Variants in ZNF385B observed in about 807,000 individuals in gnomAD.
ZNF385B encodes zinc finger protein 385B.
In ZNF385B, 23 loss-of-function variants were observed where a neutral mutation model predicts 39.2. The ratio of observed to expected loss-of-function variants is 0.59; its 90% confidence interval spans 0.42 to 0.83. ZNF385B has a LOEUF of 0.83. Ranked by LOEUF, ZNF385B falls within the 40% of genes least tolerant of loss-of-function variation. The pLI is 0.00. For missense variants in ZNF385B, 552 were observed against 598.9 expected (o/e 0.92, Z 0.82); for synonymous variants, 205 against 222.6 (o/e 0.92, Z 0.70).
intron 5 of ZNF385B, among the ~76,000 whole-genome samples, chr2:179,502,831 C>G (rs2056886949): frequency 6.6e-6 from 1 of 152,146 alleles, no homozygotes; most frequent in Non-Finnish European, 1.5e-5. Context: ...GATTTTACCT[C>G]CTAAATATTT....
chr2:179,541,688 C>T (rs547526635), intron 4 of ZNF385B, among the ~76,000 whole-genome samples: 1 of 152,230 alleles, frequency 6.6e-6, no homozygotes, highest in South Asian at 2.1e-4. Flanking sequence ...GAAATTATAG[C>T]TGTTTTTCAA....
In ZNF385B at chr2:179,555,971, G is replaced by A. The variant is rs1338767917; in HGVS notation, c.299-11002C>T. Among the ~76,000 whole-genome samples, 6 of 148,960 alleles carry A rather than the reference G, an allele frequency of 4.0e-5. 1 individual carries two copies. Among genetic ancestry groups the A allele is most frequent in the African/African-American group, 7.6e-5 (3 of 39,400 alleles). On this transcript the variant is annotated intron_variant, in intron 3 of 9. Coordinates refer to ENST00000410066, the MANE Select transcript of ZNF385B (RefSeq NM_152520.6). ...ACTGAAGTTGATAAGCAATAATGAA[G>A]TGCTGCATCAAAAAACATCAAAGAA... is the stretch of plus-strand genomic sequence containing the variant.
At chr2:179,814,472 G>T (rs561970428) in intron 1 of ZNF385B, 5 of 540,600 alleles carry the variant, frequency 9.2e-6, no homozygotes, top group Non-Finnish European at 1.7e-5. Context: ...AAATGTATGA[G>T]TTATATGATC....
At chr2:179,702,942 A>C (rs533566158) in intron 3 of ZNF385B, among the ~76,000 whole-genome samples, 26 of 152,344 alleles carry the variant, frequency 1.7e-4, no homozygotes, top group African/African-American at 6.3e-4. Flanking sequence ...TCAGTCATTC[A>C]CTGTCACTCT....
intron 4 of ZNF385B, among the ~76,000 whole-genome samples, chr2:179,519,123 G>C (rs1476996920): frequency 2.0e-5 from 3 of 152,192 alleles, no homozygotes; most frequent in Non-Finnish European, 4.4e-5. Context: ...TGGGACTACA[G>C]GCATGTGCCA....
chr2:179,604,104 A>T (rs1422461105), intron 3 of ZNF385B, among the ~76,000 whole-genome samples: 1 of 152,144 alleles, frequency 6.6e-6, no homozygotes, highest in Non-Finnish European at 1.5e-5. Flanking sequence ...TCCATTCAGA[A>T]AGTGCTTTTG....
chr2:179,672,078 C>T (rs1696087600), intron 3 of ZNF385B, among the ~76,000 whole-genome samples: 1 of 152,358 alleles, frequency 6.6e-6, no homozygotes, highest in African/African-American at 2.4e-5. Flanking sequence ...TGCTTGGAAT[C>T]CTGCAGATCC....
At chr2:179,756,371 T>A (rs1300070030) in intron 3 of ZNF385B, among the ~76,000 whole-genome samples, 2 of 152,222 alleles carry the variant, frequency 1.3e-5, no homozygotes, top group Admixed American at 1.3e-4. Flanking sequence ...ATGGGCTTCC[T>A]TTGTGGGTAA....
At position 179,797,086 on chromosome 2, in the gene ZNF385B, C is replaced by G. The variant is rs560734876; in HGVS notation, c.-154-26414G>C. 5.9e-4 allele frequency among the ~76,000 whole-genome samples: 90 copies of G among 152,160 alleles called. 1 individual carries two copies. The South Asian group carries it at 0.018, about 30-fold the overall frequency. The stretch of plus-strand genomic sequence containing the variant: ...TAAAAAAAAACCCTAACCAGTGATT[C>G]TTCTTAATATAATAACTGTTTCACA... On this transcript the variant is annotated intron_variant, in intron 1 of 9. Coordinates refer to ENST00000410066, the MANE Select transcript of ZNF385B (RefSeq NM_152520.6).
chr2:179,528,022 C>T (rs753917015), intron 4 of ZNF385B, among the ~76,000 whole-genome samples: 1 of 152,022 alleles, frequency 6.6e-6, no homozygotes, highest in African/African-American at 2.4e-5. Context: ...TGCCTTGATA[C>T]CCACTGTAAT....
At chr2:179,475,809 G>A (rs1485129227) in intron 6 of ZNF385B, among the ~76,000 whole-genome samples, 1 of 151,356 alleles carries the variant, frequency 6.6e-6, no homozygotes, top group East Asian at 2.0e-4. Context: ...TTGAGGTCAG[G>A]AGTTCGAGAC....
intron 4 of ZNF385B, among the ~76,000 whole-genome samples, chr2:179,524,551 C>CAAAAAAAAGAAAAAAAA (rs1300764305): frequency 1.1e-4 from 7 of 60,990 alleles, no homozygotes; most frequent in East Asian, 6.4e-4. Flanking sequence ...GACTCCGTCT[C>CAAAAAAAAGAAAAAAAA]AAAAAAAAAA....
intron 3 of ZNF385B, among the ~76,000 whole-genome samples, chr2:179,593,483 A>G (rs1468881144): frequency 6.6e-6 from 1 of 152,194 alleles, no homozygotes; most frequent in Non-Finnish European, 1.5e-5. Flanking sequence ...TAAATTGAAC[A>G]TATCCTCTCA....
intron 3 of ZNF385B, among the ~76,000 whole-genome samples, chr2:179,662,678 T>C (rs1694633592): frequency 6.6e-6 from 1 of 152,208 alleles, no homozygotes; most frequent in Non-Finnish European, 1.5e-5. Flanking sequence ...TGGCCATGGA[T>C]GTCTATTTAA....
chr2:179,841,348 C>T (rs1464408441), intron 1 of ZNF385B, among the ~76,000 whole-genome samples: 1 of 152,188 alleles, frequency 6.6e-6, no homozygotes, highest in East Asian at 1.9e-4. Context: ...GGTCCCAACC[C>T]ACTCACCAGC....
At chr2:179,711,059 G>A (rs1188994212) in intron 3 of ZNF385B, among the ~76,000 whole-genome samples, 1 of 152,208 alleles carries the variant, frequency 6.6e-6, no homozygotes, top group Non-Finnish European at 1.5e-5. Context: ...GGTGGATAAT[G>A]GCAGAGCAGA....
intron 6 of ZNF385B, among the ~76,000 whole-genome samples, chr2:179,456,353 G>C (rs2105447728): frequency 6.6e-6 from 1 of 152,228 alleles, no homozygotes; most frequent in East Asian, 1.9e-4. Context: ...GCCTTTATCA[G>C]CCTAATTATC....
At chr2:179,725,448 A>AAT (rs1011620395) in intron 3 of ZNF385B, among the ~76,000 whole-genome samples, 2 of 151,886 alleles carry the variant, frequency 1.3e-5, no homozygotes, top group South Asian at 2.1e-4. Flanking sequence ...TATATTTATG[A>AAT]ATATATATAT....
chr2:179,713,691 G>A (rs1389959755), intron 3 of ZNF385B, among the ~76,000 whole-genome samples: 1 of 152,164 alleles, frequency 6.6e-6, no homozygotes, highest in African/African-American at 2.4e-5. Context: ...ATAAGGCTTG[G>A]CACAAAATAG....
Sources: allele counts gnomAD v4.1 joint callset (sites outside exome capture counted in the v4.1 genomes callset), GRCh38; gene constraint gnomAD v4.1.1; transcripts MANE v1.5; gene names NCBI Gene and HGNC (gene_info 2026-07-23, HGNC 2026-07-21).